Variants in KDR observed in about 807,000 individuals in gnomAD.
The protein encoded by KDR is kinase insert domain receptor, also known as vascular endothelial growth factor receptor 2.
Under a neutral mutation model 160.9 loss-of-function variants are expected in KDR, and 43 were observed. That is an observed-to-expected ratio of 0.27 (90% CI 0.21 to 0.34). The LOEUF is 0.34. KDR is among the 10% of genes least tolerant of loss of function. KDR has a pLI of 1.00. For missense variants in KDR, 1,469 were observed against 1,666.4 expected, an observed-to-expected ratio of 0.88 and a Z score of 2.06; for synonymous variants, 617 against 600.1, an observed-to-expected ratio of 1.03 and a Z score of -0.41.
At chr4:55,103,257 A>G (rs973695280) in intron 13 of KDR, among the ~76,000 whole-genome samples, 1 of 152,314 alleles carries the variant, frequency 6.6e-6, no homozygotes, top group Admixed American at 6.5e-5. Context: ...TCAGATCATC[A>G]AAGTGCTGTG....
chr4:55,098,987 ATTTATTT>A (rs1560517326), intron 15 of KDR, among the ~76,000 whole-genome samples, 184 bp from the exon 16 acceptor site: 48 of 69,154 alleles, frequency 6.9e-4, no homozygotes, highest in African/African-American at 3.7e-3. Flanking sequence ...AATTTAATTT[ATTTATTT>A]ATTTATTTAT....
chr4:55,092,557 C>T (rs1720045331), intron 22 of KDR, 60 bp downstream of exon 22: 5 of 1,175,182 alleles, frequency 4.3e-6, no homozygotes, highest in African/African-American at 1.5e-5. Context: ...TGACACTGGA[C>T]ATCTTATTTC....
chr4:55,122,357 TG>T (rs1720904607), intron 1 of KDR, among the ~76,000 whole-genome samples: 1 of 152,074 alleles, frequency 6.6e-6, no homozygotes, highest in South Asian at 2.1e-4. Context: ...AAAAAGTAAT[TG>T]ATGTTGGGCA....
At chr4:55,102,120 C>A in intron 14 of KDR, 92 bp from the exon 15 acceptor site, 1 of 1,544,202 alleles carries the variant, frequency 6.5e-7, no homozygotes, top group Non-Finnish European at 8.9e-7. Flanking sequence ...TGCTGCCCTT[C>A]ATCTTGTTCT....
At chr4:55,099,749 G>A (rs567323108) in intron 15 of KDR, among the ~76,000 whole-genome samples, 97 of 152,288 alleles carry the variant, frequency 6.4e-4, no homozygotes, top group African/African-American at 2.2e-3. Context: ...GAGAGCTTAA[G>A]CTACTTGACT....
chr4:55,088,752 T>C (rs192526147), intron 26 of KDR, 116 bp downstream of exon 26: 80 of 739,094 alleles, frequency 1.1e-4, no homozygotes, highest in Admixed American at 2.2e-4. Context: ...AAGAATACAG[T>C]AGATTATTCA....
Position 55,090,027 on chromosome 4 carries a change from C to T in KDR, c.3121G>A (p.Val1041Met), listed in dbSNP as rs922679946. The T allele has an allele frequency of 6.8e-6, 11 of 1,613,928 alleles. No individual in the cohort carries two copies. The highest frequency in any genetic ancestry group is 1.1e-5 in the South Asian group (1 of 91,082). The change falls in exon 23 of 30, where the codon GTG (valine) becomes ATG (methionine). Residue 1041 changes from valine (V) to methionine (M), a missense_variant. Coordinates refer to ENST00000263923, the MANE Select transcript of KDR (RefSeq NM_002253.4). ...ARNILLSEKN[V>M]VKICDFGLAR... is the part of the protein sequence containing the mutation. ...AAGCCAAAGTCACAGATTTTAACCACGTTCTTCTCCGATAAGAGGATATTT... is the reference window on the plus strand; with the variant it reads ...AAGCCAAAGTCACAGATTTTAACCATGTTCTTCTCCGATAAGAGGATATTT...
In KDR at chr4:55,102,474, C is replaced by G. The variant is rs139644107; in HGVS notation, c.2022G>C (p.Glu674Asp). Reference sequence around the variant, plus strand: ...TTTCCCCAATACTTGTCGTCTGATTCTCCAGGTTTCCTGTGATCGTGGGTG... The same window carrying G: ...TTTCCCCAATACTTGTCGTCTGATTGTCCAGGTTTCCTGTGATCGTGGGTG... ...RVAPTITGNL[E>D]NQTTSIGESI... Residue 674 changes from glutamate to aspartate, a missense_variant, in exon 14 of 30, where the codon GAG becomes GAC. This residue lies in a region of KDR where 792 missense variants were observed against 840.9 expected (regional missense o/e 0.94). Coordinates refer to ENST00000263923, the MANE Select transcript of KDR (RefSeq NM_002253.4). 1.1e-4 allele frequency: 173 copies of G among 1,613,786 alleles called. No individual in the cohort carries two copies. In the African/African-American group the frequency reaches 2.1e-3, roughly 19 times the overall value.
At position 55,082,568 on chromosome 4, in the gene KDR, A is replaced by G. The variant is rs757443823; in HGVS notation, c.3730T>C (p.Leu1244=). Residue 1244 remains leucine (L), a synonymous_variant, in exon 28 of 30, where the codon TTA becomes CTA. Coordinates refer to ENST00000263923, the MANE Select transcript of KDR (RefSeq NM_002253.4). The stretch of plus-strand genomic sequence containing the variant: ...ATTACTTTTACTTCTGGTTCTTCTA[A>G]CGGGATATCTTCAAATGTTTTTACA... ...VSVKTFEDIP[L]EEPEVKVIPD... 4.5e-5 allele frequency: 73 copies of G among 1,613,662 alleles called. No homozygotes were observed. Among genetic ancestry groups the G allele is most frequent in the Admixed American group, 1.7e-4 (10 of 59,986 alleles).
chr4:55,124,998 C>T (rs909361406), intron 1 of KDR, among the ~76,000 whole-genome samples: 1 of 152,186 alleles, frequency 6.6e-6, no homozygotes, highest in African/African-American at 2.4e-5. Context: ...CTGTCGCAAA[C>T]CAGAGTCCTA....
At chr4:55,119,482 T>C (rs1400411773) in intron 2 of KDR, among the ~76,000 whole-genome samples, 3 of 152,168 alleles carry the variant, frequency 2.0e-5, no homozygotes, top group Admixed American at 6.5e-5. Flanking sequence ...GAAAGTTTAT[T>C]GTATAAAAGA....
At position 55,114,183 on chromosome 4, in the gene KDR, T is replaced by G. The variant is rs146541510; in HGVS notation, c.741A>C (p.Thr247=). The change falls in exon 6 of 30, where the codon ACA becomes ACC. Residue 247 remains threonine (T), a synonymous_variant. Coordinates refer to ENST00000263923, the MANE Select transcript of KDR (RefSeq NM_002253.4). ...TCCCCACATTTAGTTCAGTTCTTGC[T>G]GTACAATTTAAGACAAGCTTTTCTC... The part of the protein sequence containing the change: ...SVGEKLVLNC[T]ARTELNVGID... 146 of 1,613,954 alleles carry G rather than the reference T, an allele frequency of 9.0e-5. No homozygotes were observed. The highest frequency in any genetic ancestry group is 1.2e-4 in the Non-Finnish European group (136 of 1,179,948).
chr4:55,081,134 G>C (rs1376911959), intron 29 of KDR, among the ~76,000 whole-genome samples: 1 of 151,904 alleles, frequency 6.6e-6, no homozygotes, highest in Non-Finnish European at 1.5e-5. Context: ...TCTTACCTTG[G>C]GCCTTAAAGA....
chr4:55,094,058 A>C (rs982064191), intron 21 of KDR, among the ~76,000 whole-genome samples: 6 of 151,924 alleles, frequency 3.9e-5, no homozygotes, highest in Non-Finnish European at 8.8e-5. Flanking sequence ...AAAAAAAAAA[A>C]ATTAGCTGGG....
intron 28 of KDR, 151 bp from the exon 29 acceptor site, chr4:55,082,192 C>T (rs1719752094): frequency 1.4e-6 from 1 of 718,718 alleles, no homozygotes; most frequent in African/African-American, 1.8e-5. Context: ...ATTGTCCAAG[C>T]TACAAAAGGA....
chr4:55,104,527 C>A, intron 13 of KDR, 116 bp downstream of exon 13: 1 of 800,644 alleles, frequency 1.2e-6, no homozygotes. Context: ...AAGAAGTGTG[C>A]ACCAGTTTAC....
chr4:55,113,615 T>C, intron 6 of KDR, 134 bp from the exon 7 acceptor site: 2 of 747,770 alleles, frequency 2.7e-6, no homozygotes. Context: ...CCAGAACTTT[T>C]AACCTCATGC....
intron 22 of KDR, chr4:55,092,327 T>C: frequency 2.3e-6 from 1 of 429,698 alleles, no homozygotes; most frequent in South Asian, 2.2e-5. Context: ...GTAAACTCCA[T>C]GAAGGTGAAG....
intron 2 of KDR, among the ~76,000 whole-genome samples, 157 bp downstream of exon 2, chr4:55,120,940 T>G (rs913423637): frequency 8.6e-5 from 13 of 152,046 alleles, no homozygotes; most frequent in Non-Finnish European, 1.8e-4. Context: ...AGAAAATTCT[T>G]CTCATTTTCC....
Sources: allele counts gnomAD v4.1 joint callset (sites outside exome capture counted in the v4.1 genomes callset), GRCh38; gene constraint gnomAD v4.1.1; regional missense constraint gnomAD v4.1.1; transcripts MANE v1.5; gene names NCBI Gene and HGNC (gene_info 2026-07-23, HGNC 2026-07-21).